USH2A: variants seen among roughly 807,000 people sequenced by gnomAD.
USH2A encodes the protein Usher syndrome 2A (autosomal recessive, mild).
USH2A carries 443 observed loss-of-function variants against 538.9 expected under a neutral mutation model. The ratio of observed to expected loss-of-function variants is 0.82; its 90% CI spans 0.76 to 0.89. The LOEUF is 0.89. Ranked by LOEUF, USH2A falls within the 40% of genes least tolerant of loss-of-function variation. The pLI is 0.00. For missense variants in USH2A, 6,633 were observed against 6,324.8 expected (o/e 1.05, Z -1.65); for synonymous variants, 2,413 against 2,273.5 (o/e 1.06, Z -1.75).
chr1:216,021,956 T>C (rs2102502030), intron 32 of USH2A, among the ~76,000 whole-genome samples: 1 of 152,246 alleles, frequency 6.6e-6, no homozygotes, highest in South Asian at 2.1e-4. Flanking sequence ...GGCATCATTC[T>C]CATGGGAGTG....
intron 43 of USH2A, among the ~76,000 whole-genome samples, chr1:215,867,539 A>G (rs1035722619): frequency 1.3e-5 from 2 of 152,246 alleles, no homozygotes; most frequent in Non-Finnish European, 2.9e-5. Flanking sequence ...CCAGCTTTCT[A>G]TCTGAATTTG....
chr1:216,020,068 A>G (rs980008854), intron 32 of USH2A, among the ~76,000 whole-genome samples: 3 of 152,202 alleles, frequency 2.0e-5, no homozygotes, highest in Non-Finnish European at 4.4e-5. Flanking sequence ...CTTTTAAAAC[A>G]GCAATTTTCA....
intron 38 of USH2A, 87 bp downstream of exon 38, chr1:215,934,529 C>A (rs932850735): frequency 1.5e-6 from 2 of 1,366,698 alleles, no homozygotes; most frequent in Middle Eastern, 2.0e-4. Context: ...AAATAAAATA[C>A]CTCTAAAAAT....
intron 11 of USH2A, among the ~76,000 whole-genome samples, chr1:216,285,225 C>T (rs1191206915): frequency 6.6e-6 from 1 of 152,192 alleles, no homozygotes. Context: ...AAAATGGTCC[C>T]ATGGGCCCAG....
At chr1:215,665,463 G>A (rs910953478) in intron 64 of USH2A, among the ~76,000 whole-genome samples, 7 of 152,156 alleles carry the variant, frequency 4.6e-5, no homozygotes, top group Admixed American at 4.6e-4. Context: ...GCATGAATCA[G>A]TGAAAGGGGG....
At chr1:215,708,925 A>G (rs920353507) in intron 61 of USH2A, among the ~76,000 whole-genome samples, 3 of 152,202 alleles carry the variant, frequency 2.0e-5, no homozygotes, top group African/African-American at 7.2e-5. Context: ...TTTTAAGTAT[A>G]CTAACTTTGG....
intron 37 of USH2A, among the ~76,000 whole-genome samples, chr1:215,962,216 T>G (rs188410914): frequency 1.3e-5 from 2 of 152,190 alleles, no homozygotes; most frequent in East Asian, 3.9e-4. Context: ...TCTGAGAATA[T>G]AAATTATATG....
intron 70 of USH2A, chr1:215,629,995 T>G: frequency 4.5e-6 from 2 of 445,066 alleles, no homozygotes; most frequent in Admixed American, 4.9e-5. Flanking sequence ...CAGGATGGTC[T>G]CGATCTCCTG....
intron 30 of USH2A, among the ~76,000 whole-genome samples, chr1:216,055,874 CATTTA>C (rs765272959): frequency 1.3e-5 from 2 of 152,320 alleles, no homozygotes; most frequent in East Asian, 3.9e-4. Context: ...ATTTTTCTTA[CATTTA>C]ATTTCCTTCA....
intron 61 of USH2A, among the ~76,000 whole-genome samples, chr1:215,720,345 A>G (rs1289049449): frequency 1.3e-5 from 2 of 152,198 alleles, no homozygotes; most frequent in African/African-American, 2.4e-5. Flanking sequence ...AGTGAGATGA[A>G]CAGTCTGGTC....
intron 20 of USH2A, among the ~76,000 whole-genome samples, chr1:216,177,100 A>G (rs2034403209): frequency 6.6e-6 from 1 of 152,122 alleles, no homozygotes; most frequent in Non-Finnish European, 1.5e-5. Flanking sequence ...TTGCTGTATC[A>G]TATGGTAAGA....
intron 34 of USH2A, among the ~76,000 whole-genome samples, chr1:215,997,877 C>T (rs984847720): frequency 6.6e-6 from 1 of 152,076 alleles, no homozygotes; most frequent in Non-Finnish European, 1.5e-5. Flanking sequence ...AACTGCTGTG[C>T]AGAACACCTA....
intron 13 of USH2A, among the ~76,000 whole-genome samples, chr1:216,233,500 A>C (rs1160103484): frequency 3.3e-5 from 5 of 152,106 alleles, no homozygotes; most frequent in Non-Finnish European, 5.9e-5. Flanking sequence ...CATCTGCTTC[A>C]TTCATCATTG....
chr1:215,807,978 T>C (rs1662550694), intron 49 of USH2A, among the ~76,000 whole-genome samples: 1 of 152,086 alleles, frequency 6.6e-6, no homozygotes, highest in Non-Finnish European at 1.5e-5. Flanking sequence ...CCTGCTAATA[T>C]TCCTAAAGTT....
At chr1:215,739,575 G>A (rs1558076688) in intron 60 of USH2A, among the ~76,000 whole-genome samples, 1 of 152,184 alleles carries the variant, frequency 6.6e-6, no homozygotes, top group South Asian at 2.1e-4. Flanking sequence ...TCAAGAGGGT[G>A]GACATTTTAG....
In USH2A at chr1:215,804,812, C is replaced by T. The variant is rs567919370; in HGVS notation, c.9740-5687G>A. Reference sequence around the variant, plus strand: ...CATACTCAAAGGATTGTAAATCATGCTGCTATAAAGACACATGCACACGTA... The same window carrying T: ...CATACTCAAAGGATTGTAAATCATGTTGCTATAAAGACACATGCACACGTA... On this transcript the variant is annotated intron_variant, in intron 49 of 71. Transcript: ENST00000307340. Among the ~76,000 whole-genome samples, 13 of 152,286 alleles carry T rather than the reference C, an allele frequency of 8.5e-5. No homozygotes were observed. The East Asian group carries it at 2.5e-3, about 29-fold the overall frequency.
intron 21 of USH2A, among the ~76,000 whole-genome samples, chr1:216,119,417 C>T (rs1055945628): frequency 1.3e-5 from 2 of 151,620 alleles, no homozygotes; most frequent in Admixed American, 6.6e-5. Context: ...AGTTGCTACT[C>T]TAATATTACA....
At position 215,845,905 on chromosome 1, in the gene USH2A, CTG is replaced by C. The variant is rs1290334951; in HGVS notation, c.8972_8973del (p.Thr2991ArgfsTer61). 6.2e-7 allele frequency: 1 copy of C among 1,613,904 alleles called. No homozygotes were observed. The highest frequency in any genetic ancestry group is 1.7e-4 in the Middle Eastern group (1 of 6,054). On this transcript the variant is annotated frameshift_variant, in exon 45 of 72. Coordinates refer to ENST00000307340, the MANE Select transcript of USH2A (RefSeq NM_206933.4). LOFTEE classifies it high-confidence loss of function. ...AAGACAGAGATAAAGATCCAATACT[CTG>C]TGTTTGGCTTTAGGTGGCCAATGAC... The part of the protein sequence containing the change: ...SHVIGHLKPN[T>X]EYWIFISVFN...
chr1:215,951,479 T>C (rs1252598713), intron 37 of USH2A, among the ~76,000 whole-genome samples: 15 of 152,178 alleles, frequency 9.9e-5, no homozygotes, highest in Non-Finnish European at 2.2e-4. Flanking sequence ...TCCAACTATG[T>C]GGTCAATTTT....
Sources: allele counts gnomAD v4.1 joint callset (sites outside exome capture counted in the v4.1 genomes callset), GRCh38; gene constraint gnomAD v4.1.1; transcripts MANE v1.5; gene names NCBI Gene and HGNC (gene_info 2026-07-23, HGNC 2026-07-21).